FLOT2: variants seen among roughly 807,000 people sequenced by gnomAD.
FLOT2 encodes flotillin 2, also known as flotillin-2.
Under a neutral mutation model 54.9 loss-of-function variants are expected in FLOT2, and 35 were observed. The observed-to-expected ratio is 0.64, with a 90% confidence interval of 0.49 to 0.84. The LOEUF (loss-of-function observed/expected upper bound fraction) is 0.84. Ranked by LOEUF, FLOT2 falls within the 40% of genes least tolerant of loss-of-function variation. The pLI, the probability that FLOT2 is intolerant of heterozygous loss-of-function variation, is 0.00. For synonymous variants in FLOT2, 207 were observed against 228.9 expected, an observed-to-expected ratio of 0.90 and a Z score of 0.86; for missense variants, 464 against 572.1, an observed-to-expected ratio of 0.81 and a Z score of 1.93.
intron 1 of FLOT2, among the ~76,000 whole-genome samples, chr17:28,889,928 A>G (rs11658843): frequency 0.54 from 82,480 of 151,978 alleles, 25,635 homozygotes; most frequent in South Asian, 0.76. Flanking sequence ...ATGAGCCACC[A>G]CGCCTGGTCC....
In FLOT2 at chr17:28,883,007, T is replaced by C; in HGVS notation, c.346+101A>G. The C allele has an allele frequency of 7.9e-7, 1 of 1,271,580 alleles. No individual in the cohort carries two copies. The highest frequency in any genetic ancestry group is 1.1e-6 in the Non-Finnish European group (1 of 905,696). 78.8% of individuals were successfully genotyped at this position (1,271,580 alleles called of 1,614,324 possible). On this transcript the variant is annotated intron_variant, in intron 4 of 10. Transcript: ENST00000394908. The surrounding 1 kb of genome is among the most constrained non-coding windows in gnomAD (Gnocchi z 5.0). The stretch of plus-strand genomic sequence containing the variant: ...AATATTTGAGGAAAAGTGTTTTAGC[T>C]TGAAACTCCTGTGAAACAGGCCCCC...
intron 2 of FLOT2, among the ~76,000 whole-genome samples, chr17:28,887,330 C>G (rs867575136): frequency 4.6e-5 from 7 of 152,112 alleles, no homozygotes; most frequent in Admixed American, 6.5e-5. Context: ...AAAGCCCCAG[C>G]CTGTGGAGGC....
intron 8 of FLOT2, 132 bp from the exon 9 acceptor site, chr17:28,881,507 G>T: frequency 1.0e-6 from 1 of 983,316 alleles, no homozygotes; most frequent in Non-Finnish European, 1.5e-6. Flanking sequence ...AACGGAGTGG[G>T]GTGGCCTGAC....
In FLOT2 at chr17:28,881,842, G is replaced by A. The variant is rs775177962; in HGVS notation, c.886C>T (p.Arg296Cys). The A allele has an allele frequency of 5.5e-5, 89 of 1,613,426 alleles. No individual in the cohort carries two copies. The highest frequency in any genetic ancestry group is 6.7e-5 in the African/African-American group (5 of 74,940). Residue 296 changes from arginine (R) to cysteine (C), a missense_variant, in exon 8 of 11, where the codon CGC becomes TGC. Physicochemically the swap from Arg to Cys is radical, Grantham distance 180. Coordinates refer to ENST00000394908, the MANE Select transcript of FLOT2 (RefSeq NM_004475.3). ...TCACCCTCGGCAATCTGCTGGATGC[G>A]GTGGGCCTCGGCCTCGGCAGGCCGG... ...VRRPAEAEAH[R>C]IQQIAEGEKV... is the part of the protein sequence containing the mutation.
chr17:28,889,139 C>A lies in FLOT2; in HGVS notation c.50-113G>T, dbSNP rs1246179444. 16 of 791,588 alleles carry A rather than the reference C, an allele frequency of 2.0e-5. No individual in the cohort carries two copies. The Admixed American group carries it at 3.3e-4, about 16-fold the overall frequency. The allele number at this position is 791,588 out of a possible 1,614,324, so 49.0% of individuals were successfully genotyped here. On this transcript the variant is annotated intron_variant, in intron 1 of 10. Transcript: ENST00000394908. ...CTGCTCTGATACTTGACAACGCCTA[C>A]TGTTGGGTGCCTAGTGCTGAGGTTA...
At position 28,886,944 on chromosome 17, in the gene FLOT2, A is replaced by G. The variant is rs75651022; in HGVS notation, c.131+2001T>C. Among the ~76,000 whole-genome samples, 1,248 of 151,540 alleles carry G rather than the reference A, an allele frequency of 8.2e-3. 17 individuals carry two copies. Among genetic ancestry groups the G allele is most frequent in the African/African-American group, 0.029 (1,207 of 41,120 alleles). Reference sequence around the variant, plus strand: ...TAACACTAGCATCCTTGGGCCTGAGAGGATTCTTGACCCAGCTCAGACAGG... The same window carrying G: ...TAACACTAGCATCCTTGGGCCTGAGGGGATTCTTGACCCAGCTCAGACAGG... On this transcript the variant is annotated intron_variant, in intron 2 of 10. Transcript: ENST00000394908.
Position 28,897,623 on chromosome 17 carries a change from A to G in FLOT2, c.-49T>C, listed in dbSNP as rs900443279. 1.0e-5 allele frequency: 15 copies of G among 1,484,048 alleles called. No homozygotes were observed. Among genetic ancestry groups the G allele is most frequent in the East Asian group, 5.9e-5 (2 of 34,130 alleles). 91.9% of individuals were successfully genotyped at this position (1,484,048 alleles called of 1,614,324 possible). A position where few individuals can be genotyped will look rare whatever the true frequency, so the allele number is the denominator to read the frequency against. The stretch of plus-strand genomic sequence containing the variant: ...TCGGGACCGCACAGACCCGGACAAC[A>G]GCAGCGGGTCTGCAGCGCCGGCCGC... On this transcript the variant is annotated 5_prime_UTR_variant, in exon 1 of 11. Coordinates refer to ENST00000394908, the MANE Select transcript of FLOT2 (RefSeq NM_004475.3). This position sits in a 1 kb window ranked among gnomAD's most constrained non-coding sequence, Gnocchi z 4.4.
At position 28,880,113 on chromosome 17, in the gene FLOT2, C is replaced by T; in HGVS notation, c.*448G>A. On this transcript the variant is annotated 3_prime_UTR_variant, in exon 11 of 11. Transcript: ENST00000394908. ...ACCAGTCCAGGAGAGAGGACAGTGA[C>T]CGTCCTACCCAGAACCCCTGCCCAT... 2.0e-6 allele frequency: 2 copies of T among 1,013,216 alleles called. No individual in the cohort carries two copies. Among genetic ancestry groups the T allele is most frequent in the Non-Finnish European group, 2.4e-6 (2 of 846,678 alleles). The allele number at this position is 1,013,216 out of a possible 1,614,324, so 62.8% of individuals were successfully genotyped here.
rs989318803 is a variant in FLOT2 at position 28,884,437 on chromosome 17, T to C, written c.132-122A>G. ...GGTGAGGAAGGTGGAGGGAGGACTC[T>C]CCACGGGGCTGAGATGGGAGTGTCT... On this transcript the variant is annotated intron_variant, in intron 2 of 10. Coordinates refer to ENST00000394908, the MANE Select transcript of FLOT2 (RefSeq NM_004475.3). The surrounding 1 kb of genome is among the most constrained non-coding windows in gnomAD (Gnocchi z 5.1). 3 of 631,018 alleles carry C rather than the reference T, an allele frequency of 4.8e-6. No individual in the cohort carries two copies. The highest frequency in any genetic ancestry group is 3.7e-5 in the African/African-American group (2 of 54,524). The allele number at this position is 631,018 out of a possible 1,614,324, so 39.1% of individuals were successfully genotyped here. A position where few individuals can be genotyped will look rare whatever the true frequency, so the allele number is the denominator to read the frequency against.
chr17:28,880,888 C>G, intron 9 of FLOT2, 26 bp from the exon 10 acceptor site: 1 of 1,613,308 alleles, frequency 6.2e-7, no homozygotes, highest in Non-Finnish European at 8.5e-7. Context: ...GGGAGGACAG[C>G]CTGGTTGGCG....
rs1329343056 is a variant in FLOT2 at position 28,880,294 on chromosome 17, AAGAC to A, written c.*263_*266del. ...ACATGATGTGCATGGGGGAAAGAAAAAGACAGACAAAGGAAAAGACACGCAGGGA... is the reference window on the plus strand; with the variant it reads ...ACATGATGTGCATGGGGGAAAGAAAAAGACAAAGGAAAAGACACGCAGGGA... On this transcript the variant is annotated 3_prime_UTR_variant, in exon 11 of 11. Transcript: ENST00000394908. 32 of 1,357,668 alleles carry A rather than the reference AAGAC, an allele frequency of 2.4e-5. No individual in the cohort carries two copies. Among genetic ancestry groups the A allele is most frequent in the African/African-American group, 1.3e-4 (9 of 68,282 alleles). 84.1% of individuals were successfully genotyped at this position (1,357,668 alleles called of 1,614,324 possible).
At chr17:28,893,049 A>G (rs1261086378) in intron 1 of FLOT2, 2 of 152,200 alleles carry the variant, frequency 1.3e-5, no homozygotes, top group Non-Finnish European at 2.9e-5. Flanking sequence ...TCCCAAGGGT[A>G]GCAACAACAG....
rs1038031825 is a variant in FLOT2 at position 28,884,164 on chromosome 17, G to A, written c.222+61C>T. The stretch of plus-strand genomic sequence containing the variant: ...GCTGCTGTCCTCTCCTCCTCCCCCC[G>A]AACCCGAGTACGGGACCAGGCAGCT... On this transcript the variant is annotated intron_variant, in intron 3 of 10. Transcript: ENST00000394908. This position sits in a 1 kb window ranked among gnomAD's most constrained non-coding sequence, Gnocchi z 5.1. The A allele has an allele frequency of 2.9e-5, 37 of 1,284,208 alleles. 1 individual carries two copies. In the African/African-American group the frequency reaches 3.7e-4, roughly 13 times the overall value. The allele number at this position is 1,284,208 out of a possible 1,614,324, so 79.6% of individuals were successfully genotyped here. A position where few individuals can be genotyped will look rare whatever the true frequency, so the allele number is the denominator to read the frequency against.
Position 28,879,855 on chromosome 17 carries a change from C to T in FLOT2, c.*706G>A. The T allele has an allele frequency of 1.0e-6, 1 of 986,056 alleles. No individual in the cohort carries two copies. Among genetic ancestry groups the T allele is most frequent in the Non-Finnish European group, 1.2e-6 (1 of 830,098 alleles). 61.1% of individuals were successfully genotyped at this position (986,056 alleles called of 1,614,324 possible). Reference sequence around the variant, plus strand: ...TGAAGAGGCCTTCCCTGAGCACAAGCAGGGGCCTCCTAAGGCAGTAGGAAA... The same window carrying T: ...TGAAGAGGCCTTCCCTGAGCACAAGTAGGGGCCTCCTAAGGCAGTAGGAAA... On this transcript the variant is annotated 3_prime_UTR_variant, in exon 11 of 11. Transcript: ENST00000394908.
At chr17:28,881,785 C>T (rs2039452651) in intron 8 of FLOT2, 29 bp downstream of exon 8, 1 of 1,606,178 alleles carries the variant, frequency 6.2e-7, no homozygotes, top group African/African-American at 1.3e-5. Flanking sequence ...CTGACTAAGC[C>T]CTGACCCCGG....
In FLOT2 at chr17:28,896,762, C is replaced by T. The variant is rs563750995; in HGVS notation, c.49+764G>A. ...TCCAGGCCTCCAAGCTGTCAGGCAC[C>T]AGGACCCCCGTCCCCCAGCTCCTGA... On this transcript the variant is annotated intron_variant, in intron 1 of 10. Coordinates refer to ENST00000394908, the MANE Select transcript of FLOT2 (RefSeq NM_004475.3). Among the ~76,000 whole-genome samples, 22 of 152,276 alleles carry T rather than the reference C, an allele frequency of 1.4e-4. 1 individual carries two copies. In the East Asian group the frequency reaches 3.9e-3, roughly 27 times the overall value.
At position 28,882,283 on chromosome 17, in the gene FLOT2, C is replaced by G. The variant is rs763916891; in HGVS notation, c.580-46G>C. 1 of 1,613,906 alleles carries G rather than the reference C, an allele frequency of 6.2e-7. No individual in the cohort carries two copies. The highest frequency in any genetic ancestry group is 8.5e-7 in the Non-Finnish European group (1 of 1,180,006). ...AGGGGAAGGTGAGTGAGTAGAGGTC[C>G]TGAGTCATCATGGTCCCATCACCCC... On this transcript the variant is annotated intron_variant, in intron 6 of 10. Transcript: ENST00000394908. This position sits in a 1 kb window ranked among gnomAD's most constrained non-coding sequence, Gnocchi z 5.6.
chr17:28,884,121 GGA>G lies in FLOT2; in HGVS notation c.222+102_222+103del. ...TGGGACTTGCGGGGGCTGGGGTGCT[GGA>G]GAGAGACTGCCCCTGGCTGCTGTCC... is the stretch of plus-strand genomic sequence containing the variant. On this transcript the variant is annotated intron_variant, in intron 3 of 10. Transcript: ENST00000394908. The surrounding 1 kb of genome is among the most constrained non-coding windows in gnomAD (Gnocchi z 5.1). 1.1e-6 allele frequency: 1 copy of G among 871,270 alleles called. No homozygotes were observed. 54.0% of individuals were successfully genotyped at this position (871,270 alleles called of 1,614,324 possible).
chr17:28,883,123 G>C lies in FLOT2; in HGVS notation c.331C>G (p.Leu111Val). ...NVVLQTLEGH[L>V]RSILGTLTVE... The stretch of plus-strand genomic sequence containing the variant: ...AGGGCCTCACCGAGGATGGAGCGCA[G>C]ATGTCCCTCCAGGGTCTGCAGGACG... The change falls in exon 4 of 11, where the codon CTG (leucine) becomes GTG (valine). Residue 111 changes from leucine to valine, a missense_variant. Transcript: ENST00000394908. The surrounding 1 kb of genome is among the most constrained non-coding windows in gnomAD (Gnocchi z 5.0). 1 of 1,614,140 alleles carries C rather than the reference G, an allele frequency of 6.2e-7. No individual in the cohort carries two copies. Among genetic ancestry groups the C allele is most frequent in the Non-Finnish European group, 8.5e-7 (1 of 1,180,020 alleles).
Sources: gnomAD v4.1 joint callset for allele counts (sites outside exome capture counted in the v4.1 genomes callset) on GRCh38, gnomAD v4.1.1 for gene constraint, Gnocchi (gnomAD v3.1) non-coding constraint, MANE v1.5 for transcripts, NCBI Gene and HGNC (gene_info 2026-07-23, HGNC 2026-07-21) for gene names.